ADPGK: variants seen among roughly 807,000 people sequenced by gnomAD.
ADPGK encodes ADP-dependent glucokinase.
In ADPGK, 26 loss-of-function variants were observed where a neutral mutation model predicts 42.4. That is an observed-to-expected ratio of 0.61 (90% confidence interval 0.45 to 0.85). ADPGK has a LOEUF of 0.85. Among genes scored for constraint, ADPGK ranks in the 40% least tolerant of loss-of-function variants. ADPGK has a pLI of 0.00. For synonymous variants in ADPGK, 267 were observed against 252.6 expected, an observed-to-expected ratio of 1.06 and a Z score of -0.54; for missense variants, 571 against 627.0, an observed-to-expected ratio of 0.91 and a Z score of 0.95.
At chr15:72,755,774 C>T (rs950380207) in intron 5 of ADPGK, 120 bp from the exon 6 acceptor site, 43 of 752,578 alleles carry the variant, frequency 5.7e-5, no homozygotes, top group Admixed American at 3.9e-4. Flanking sequence ...TGCATGCTCA[C>T]GGGAGCTACA....
chr15:72,774,607 T>C (rs1182244183), intron 2 of ADPGK, among the ~76,000 whole-genome samples: 1 of 152,162 alleles, frequency 6.6e-6, no homozygotes, highest in Non-Finnish European at 1.5e-5. Flanking sequence ...GCTGGAAAGG[T>C]AAATTCTTGG....
chr15:72,769,089 A>G (rs1470882343), intron 3 of ADPGK, among the ~76,000 whole-genome samples: 2 of 152,318 alleles, frequency 1.3e-5, no homozygotes, highest in East Asian at 1.9e-4. Flanking sequence ...ATACAGACCA[A>G]TATTATTCTT....
Position 72,783,734 on chromosome 15 carries a change from A to G in ADPGK, c.-43T>C, listed in dbSNP as rs2066503471. On this transcript the variant is annotated 5_prime_UTR_variant, in exon 1 of 7. Transcript: ENST00000456471. The stretch of plus-strand genomic sequence containing the variant: ...ACCTGCGCGAACCAACTCCTTTCCT[A>G]GCCCGCGCCTCTTCCGGGCTCGGCG... 7.1e-7 allele frequency: 1 copy of G among 1,407,134 alleles called. No homozygotes were observed. Among genetic ancestry groups the G allele is most frequent in the Non-Finnish European group, 9.2e-7 (1 of 1,084,008 alleles). The allele number at this position is 1,407,134 out of a possible 1,614,324, so 87.2% of individuals were successfully genotyped here. A position where few individuals can be genotyped will look rare whatever the true frequency, so the allele number is the denominator to read the frequency against.
intron 1 of ADPGK, among the ~76,000 whole-genome samples, chr15:72,776,289 C>T (rs978015855): frequency 3.9e-5 from 6 of 152,130 alleles, no homozygotes; most frequent in African/African-American, 1.2e-4. Context: ...GTCTTCCCGC[C>T]CCTACCCCTA....
chr15:72,755,732 G>T, intron 5 of ADPGK, 78 bp from the exon 6 acceptor site: 1 of 1,174,262 alleles, frequency 8.5e-7, no homozygotes, highest in Non-Finnish European at 1.3e-6. Context: ...ATCAGATCCT[G>T]AGAGGCGGTT....
At chr15:72,755,109 A>G (rs919878886) in intron 6 of ADPGK, among the ~76,000 whole-genome samples, 1 of 152,214 alleles carries the variant, frequency 6.6e-6, no homozygotes, top group African/African-American at 2.4e-5. Flanking sequence ...CCAGGTCTCC[A>G]GAGCTTGTGT....
At chr15:72,765,104 CTGCTAA>C (rs1052928471) in intron 3 of ADPGK, among the ~76,000 whole-genome samples, 58 of 152,204 alleles carry the variant, frequency 3.8e-4, no homozygotes, top group African/African-American at 1.3e-3. Context: ...GTTTTCACAC[CTGCTAA>C]TGCAACATCC....
intron 3 of ADPGK, among the ~76,000 whole-genome samples, chr15:72,762,871 C>G (rs2066212103): frequency 6.6e-6 from 1 of 152,198 alleles, no homozygotes; most frequent in Middle Eastern, 3.4e-3. Flanking sequence ...GTAATCCCAG[C>G]TACTCAGGAG....
Position 72,752,428 on chromosome 15 carries a change from C to A in ADPGK, c.1407G>T (p.Val469=). The change falls in exon 7 of 7, where the codon GTG becomes GTT. Residue 469 remains valine (V), a synonymous_variant. Coordinates refer to ENST00000456471, the MANE Select transcript of ADPGK (RefSeq NM_001365225.1). ...GISFHFTPVL[V]CKDPIRTVGL... Reference sequence around the variant, plus strand: ...CTACAGTTCGAATGGGGTCTTTACACACCAATACTGGTGTGAAGTGGAAGG... The same window carrying A: ...CTACAGTTCGAATGGGGTCTTTACAAACCAATACTGGTGTGAAGTGGAAGG... The A allele has an allele frequency of 2.5e-6, 4 of 1,614,248 alleles. No homozygotes were observed. The highest frequency in any genetic ancestry group is 2.5e-6 in the Non-Finnish European group (3 of 1,180,042).
At position 72,766,263 on chromosome 15, in the gene ADPGK, T is replaced by G. The variant is rs545906440; in HGVS notation, c.522+5520A>C. On this transcript the variant is annotated intron_variant, in intron 3 of 6. Coordinates refer to ENST00000456471, the MANE Select transcript of ADPGK (RefSeq NM_001365225.1). ...CTGGAATTACAGGTGTGAGCCACTGTACCTGGCCTGATTCCAATTTTGAAT... is the reference window on the plus strand; with the variant it reads ...CTGGAATTACAGGTGTGAGCCACTGGACCTGGCCTGATTCCAATTTTGAAT... 2.9e-4 allele frequency among the ~76,000 whole-genome samples: 44 copies of G among 152,334 alleles called. 1 individual carries two copies. The highest frequency in any genetic ancestry group is 1.0e-3 in the African/African-American group (42 of 41,576).
At chr15:72,764,878 A>C (rs776373637) in intron 3 of ADPGK, among the ~76,000 whole-genome samples, 10 of 152,142 alleles carry the variant, frequency 6.6e-5, no homozygotes, top group Admixed American at 2.0e-4. Context: ...TAGGATTCTT[A>C]AGTATGATGC....
rs573884556 is a variant in ADPGK at position 72,775,173 on chromosome 15, G to A, written c.234-76C>T. On this transcript the variant is annotated intron_variant, in intron 1 of 6. Transcript: ENST00000456471. ...ATTTTGCATTTAACAAAAGGAAAAT[G>A]TTTCTCAGAACCTTATTCAACAGAA... 139 of 1,277,672 alleles carry A rather than the reference G, an allele frequency of 1.1e-4. 2 individuals carry two copies. The South Asian group carries it at 1.7e-3, about 16-fold the overall frequency. The allele number at this position is 1,277,672 out of a possible 1,614,324, so 79.1% of individuals were successfully genotyped here.
intron 3 of ADPGK, among the ~76,000 whole-genome samples, chr15:72,761,430 T>C (rs915465066): frequency 2.0e-5 from 3 of 152,212 alleles, no homozygotes; most frequent in South Asian, 2.1e-4. Context: ...CTTTCCAATA[T>C]GAGAATTAAA....
intron 1 of ADPGK, among the ~76,000 whole-genome samples, chr15:72,777,229 G>A (rs1335791398): frequency 2.6e-5 from 4 of 152,148 alleles, no homozygotes; most frequent in South Asian, 2.1e-4. Flanking sequence ...GCTCTCAGAC[G>A]CCAGTAGGTT....
At chr15:72,778,828 C>T (rs992937123) in intron 1 of ADPGK, among the ~76,000 whole-genome samples, 4 of 152,094 alleles carry the variant, frequency 2.6e-5, no homozygotes, top group African/African-American at 9.7e-5. Flanking sequence ...GGCAGTGGTC[C>T]CTGTGCTGAA....
chr15:72,755,671 A>T lies in ADPGK; in HGVS notation c.841-17T>A. On this transcript the variant is annotated splice_polypyrimidine_tract_variant and intron_variant, in intron 5 of 6. Transcript: ENST00000456471. Reference sequence around the variant, plus strand: ...GGTTACAACCTGCAAAGAGAAGAAGATAAGCACTGCCATTAGAAATAGAAG... The same window carrying T: ...GGTTACAACCTGCAAAGAGAAGAAGTTAAGCACTGCCATTAGAAATAGAAG... 1.3e-6 allele frequency: 2 copies of T among 1,553,428 alleles called. No homozygotes were observed. The highest frequency in any genetic ancestry group is 2.2e-5 in the South Asian group (2 of 89,474).
intron 3 of ADPGK, 47 bp downstream of exon 3, chr15:72,771,736 G>T (rs1463883978): frequency 6.5e-7 from 1 of 1,535,506 alleles, no homozygotes; most frequent in Admixed American, 1.8e-5. Context: ...TAAAATTATT[G>T]AAACACTAGG....
intron 2 of ADPGK, among the ~76,000 whole-genome samples, chr15:72,774,230 G>C (rs1371412754): frequency 1.3e-5 from 2 of 152,192 alleles, no homozygotes; most frequent in East Asian, 3.9e-4. Flanking sequence ...AGCTTCCCTG[G>C]CTAGAACTAC....
At position 72,783,266 on chromosome 15, in the gene ADPGK, G is replaced by A. The variant is rs181035893; in HGVS notation, c.233+193C>T. The stretch of plus-strand genomic sequence containing the variant: ...CCTACCGGGATGAGAGAAAGGCGCA[G>A]AGGCCAGCCGAGTGGAAAGAGCAGC... On this transcript the variant is annotated intron_variant, in intron 1 of 6. Transcript: ENST00000456471. The A allele has an allele frequency of 3.5e-3, 4,400 of 1,244,790 alleles. 7 individuals carry two copies. Among genetic ancestry groups the A allele is most frequent in the Non-Finnish European group, 3.9e-3 (3,859 of 994,888 alleles). The allele number at this position is 1,244,790 out of a possible 1,614,324, so 77.1% of individuals were successfully genotyped here.
Sources: allele counts gnomAD v4.1 joint callset (sites outside exome capture counted in the v4.1 genomes callset), GRCh38; gene constraint gnomAD v4.1.1; transcripts MANE v1.5; gene names NCBI Gene and HGNC (gene_info 2026-07-23, HGNC 2026-07-21).